The following HMGCLL1 variants were observed in gnomAD, a reference collection of about 807,000 sequenced individuals.
HMGCLL1 encodes the protein 3-hydroxy-3-methylglutaryl-CoA lyase like 1.
Under a neutral mutation model 39.1 loss-of-function variants are expected in HMGCLL1, and 36 were observed. The observed-to-expected ratio is 0.92, with a 90% CI of 0.71 to 1.22. The LOEUF (loss-of-function observed/expected upper bound fraction) is 1.22. Among genes scored for constraint, HMGCLL1 ranks in the 50% most tolerant of loss-of-function variants. The probability of loss-of-function intolerance (pLI) is 0.00; values close to 1 mark genes in which losing one functional copy is unlikely to be tolerated. For missense variants in HMGCLL1, 451 were observed against 416.5 expected (o/e 1.08, Z -0.72); for synonymous variants, 149 against 144.0 (o/e 1.03, Z -0.25).
chr6:55,639,451 A>G, the HMGCLL1 span, among the ~76,000 whole-genome samples: 3 of 151,270 alleles, frequency 2.0e-5, no homozygotes, highest in African/African-American at 7.3e-5. Context: ...TTCTGAACCA[A>G]ATACTCATAT....
At chr6:55,544,301 C>T (rs1213004014) in intron 1 of HMGCLL1, among the ~76,000 whole-genome samples, 3 of 152,080 alleles carry the variant, frequency 2.0e-5, no homozygotes, top group Admixed American at 6.5e-5. Flanking sequence ...TATTTAAAAT[C>T]GGGGGAAAAC....
chr6:55,450,716 T>C (rs2127388511), intron 7 of HMGCLL1, among the ~76,000 whole-genome samples: 1 of 152,032 alleles, frequency 6.6e-6, no homozygotes, highest in African/African-American at 2.4e-5. Context: ...GCTAATTAAA[T>C]GGAAGTAAGG....
At chr6:55,625,905 C>T in the HMGCLL1 span, among the ~76,000 whole-genome samples, 4 of 152,100 alleles carry the variant, frequency 2.6e-5, no homozygotes, top group Admixed American at 1.3e-4. Context: ...TAGGATGACC[C>T]GTTCTGTGGA....
the HMGCLL1 span, among the ~76,000 whole-genome samples, chr6:55,656,780 A>C: frequency 1.3e-5 from 2 of 152,138 alleles, no homozygotes; most frequent in Admixed American, 1.3e-4. Flanking sequence ...GTAATAACAC[A>C]ATATGATTTC....
rs770276313 is a variant in HMGCLL1, at chr6:55,542,099, T to C, written c.150A>G (p.Ile50Met). The change falls in exon 2 of 9, where the codon ATA becomes ATG. Residue 50 changes from isoleucine to methionine, a missense_variant. Coordinates refer to ENST00000274901, the MANE Select transcript of HMGCLL1 (RefSeq NM_001042406.2). ...ATCCATCCCTAGGCCCAACTTCTACTATTTTAACAAACTCAGGGAGTCCAG... is the reference window on the plus strand; with the variant it reads ...ATCCATCCCTAGGCCCAACTTCTACCATTTTAACAAACTCAGGGAGTCCAG... ...QLSGLPEFVK[I>M]VEVGPRDGLQ... 2 of 1,611,380 alleles carry C rather than the reference T, an allele frequency of 1.2e-6. No individual in the cohort carries two copies. The highest frequency in any genetic ancestry group is 1.7e-6 in the Non-Finnish European group (2 of 1,178,114).
chr6:55,649,406 T>C, the HMGCLL1 span, among the ~76,000 whole-genome samples: 3 of 151,220 alleles, frequency 2.0e-5, no homozygotes, highest in Admixed American at 6.6e-5. Flanking sequence ...CCACTTTAAA[T>C]ATGACATGCC....
At chr6:55,567,621 T>A (rs950904251) in intron 1 of HMGCLL1, among the ~76,000 whole-genome samples, 12 of 152,076 alleles carry the variant, frequency 7.9e-5, no homozygotes, top group African/African-American at 2.4e-4. Flanking sequence ...CAAGAAAAAA[T>A]TGCAGGGAAA....
At chr6:55,484,358 G>C (rs1264143241) in intron 7 of HMGCLL1, among the ~76,000 whole-genome samples, 1 of 151,956 alleles carries the variant, frequency 6.6e-6, no homozygotes, top group African/African-American at 2.4e-5. Context: ...CTTAAGGATG[G>C]AATGTCTCGG....
the HMGCLL1 span, among the ~76,000 whole-genome samples, chr6:55,621,565 T>G: frequency 6.6e-6 from 1 of 151,834 alleles, no homozygotes; most frequent in African/African-American, 2.4e-5. Context: ...CTTATGAGAC[T>G]CTAATGCCTG....
chr6:55,459,123 G>T (rs906998504), intron 7 of HMGCLL1, among the ~76,000 whole-genome samples: 6 of 152,090 alleles, frequency 3.9e-5, no homozygotes, highest in Admixed American at 3.9e-4. Flanking sequence ...GCTTTTAGAA[G>T]AGCATTTGTA....
rs1249706078 is a variant in HMGCLL1, at chr6:55,477,308, A to ATT, written c.795+18110_795+18111insAA. On this transcript the variant is annotated intron_variant, in intron 7 of 8. Transcript: ENST00000274901. ...TTATATATAAAATAATATATATTAT[A>ATT]TATATAATATATATTATATTATATA... is the stretch of plus-strand genomic sequence containing the variant. Among the ~76,000 whole-genome samples, 11 of 14,286 alleles carry ATT rather than the reference A, an allele frequency of 7.7e-4. 1 individual carries two copies. Among genetic ancestry groups the ATT allele is most frequent in the African/African-American group, 4.0e-3 (5 of 1,254 alleles). The allele number at this position is 14,286 out of a possible 152,430, so 9.4% of individuals were successfully genotyped here. A position where few individuals can be genotyped will look rare whatever the true frequency, so the allele number is the denominator to read the frequency against.
intron 8 of HMGCLL1, among the ~76,000 whole-genome samples, chr6:55,438,019 A>G (rs920937230): frequency 6.6e-5 from 10 of 152,014 alleles, no homozygotes; most frequent in African/African-American, 1.9e-4. Context: ...CAACCCTTGG[A>G]TGTTGAAATT....
At chr6:55,663,648 C>T in the HMGCLL1 span, among the ~76,000 whole-genome samples, 1 of 151,900 alleles carries the variant, frequency 6.6e-6, no homozygotes, top group Admixed American at 6.6e-5. Flanking sequence ...AATGCATATT[C>T]TATTGTTTTA....
At chr6:55,510,034 T>C (rs1245210727) in intron 5 of HMGCLL1, among the ~76,000 whole-genome samples, 1 of 151,906 alleles carries the variant, frequency 6.6e-6, no homozygotes, top group Admixed American at 6.6e-5. Context: ...AAGTAATCTA[T>C]GTTTGTCTCT....
intron 1 of HMGCLL1, among the ~76,000 whole-genome samples, chr6:55,569,287 C>T (rs1237165983): frequency 6.6e-6 from 1 of 152,082 alleles, no homozygotes; most frequent in Non-Finnish European, 1.5e-5. Flanking sequence ...TTAGAGGAAA[C>T]ATGACCCTTT....
intron 7 of HMGCLL1, among the ~76,000 whole-genome samples, chr6:55,490,903 T>TA (rs539570178): frequency 1.1e-3 from 165 of 151,652 alleles, no homozygotes; most frequent in African/African-American, 3.9e-3. Flanking sequence ...ATTTTTTTTT[T>TA]ACCACTGATA....
At chr6:55,477,269 AT>A (rs1282624206) in intron 7 of HMGCLL1, among the ~76,000 whole-genome samples, 1 of 14,330 alleles carries the variant, frequency 7.0e-5, no homozygotes, top group African/African-American at 8.7e-4. Context: ...ATATTATATA[AT>A]ATATATTATA....
the HMGCLL1 span, among the ~76,000 whole-genome samples, chr6:55,640,721 A>T: frequency 1.3e-5 from 2 of 151,478 alleles, no homozygotes; most frequent in Non-Finnish European, 2.9e-5. Flanking sequence ...GTATTATATC[A>T]TATATATTTG....
chr6:55,582,335 T>C (rs1259773841), upstream of HMGCLL1, among the ~76,000 whole-genome samples: 1 of 152,178 alleles, frequency 6.6e-6, no homozygotes, highest in African/African-American at 2.4e-5. Flanking sequence ...GCTATTATTA[T>C]TATTAATACA....
Sources: allele counts gnomAD v4.1 joint callset (sites outside exome capture counted in the v4.1 genomes callset), GRCh38; gene constraint gnomAD v4.1.1; transcripts MANE v1.5; gene names NCBI Gene and HGNC (gene_info 2026-07-23, HGNC 2026-07-21).